CEP78: variants seen among roughly 807,000 people sequenced by gnomAD.
CEP78 encodes centrosomal protein of 78 kDa.
In CEP78, 76 loss-of-function variants were observed where a neutral mutation model predicts 81.2. The ratio of observed to expected loss-of-function variants is 0.94; its 90% CI spans 0.78 to 1.13. The LOEUF (loss-of-function observed/expected upper bound fraction) is 1.13, where lower values mean the gene tolerates loss of function less well. Ranked by LOEUF, CEP78 falls within the 50% of genes most tolerant of loss-of-function variation. The probability of loss-of-function intolerance (pLI) is 0.00; values close to 1 mark genes in which losing one functional copy is unlikely to be tolerated. For synonymous variants in CEP78, 293 were observed against 301.4 expected (o/e 0.97, Z 0.29); for missense variants, 918 against 846.8 (o/e 1.08, Z -1.04).
rs575599242 is a variant in CEP78, at chr9:78,270,225, A to T, written c.2108-616A>T. Among the ~76,000 whole-genome samples the T allele has an allele frequency of 2.6e-5, 4 of 151,466 alleles. No individual in the cohort carries two copies. In the South Asian group the frequency reaches 8.4e-4, roughly 32 times the overall value. ...CAGTTTTCTTTAACCATGGATTTTT[A>T]CAAGACCTACACACAATCACATAAT... On this transcript the variant is annotated intron_variant, in intron 16 of 16. Transcript: ENST00000643273.
chr9:78,247,764 G>A (rs995638588), intron 6 of CEP78, among the ~76,000 whole-genome samples: 3 of 152,172 alleles, frequency 2.0e-5, no homozygotes, highest in East Asian at 3.8e-4. Flanking sequence ...TAGGGTGGAA[G>A]GTTGGAGGTG....
At chr9:78,241,417 G>T (rs944880493) in intron 3 of CEP78, among the ~76,000 whole-genome samples, 2 of 152,106 alleles carry the variant, frequency 1.3e-5, no homozygotes, top group Non-Finnish European at 2.9e-5. Context: ...GTCTCAAAAA[G>T]TATATAGAAC....
chr9:78,247,674 T>C (rs1286828348), intron 6 of CEP78, among the ~76,000 whole-genome samples: 2 of 152,106 alleles, frequency 1.3e-5, no homozygotes, highest in Non-Finnish European at 2.9e-5. Flanking sequence ...AATACACTTG[T>C]AGGGGGCTAT....
intron 16 of CEP78, among the ~76,000 whole-genome samples, chr9:78,270,215 A>G (rs1399614516): frequency 6.6e-6 from 1 of 152,036 alleles, no homozygotes; most frequent in Non-Finnish European, 1.5e-5. Context: ...TTCTTTAACC[A>G]TGGATTTTTA....
rs150334181 is a variant in CEP78, at chr9:78,271,151, C to T, written c.*300C>T. 2.3e-5 allele frequency: 6 copies of T among 262,564 alleles called. No homozygotes were observed. In the Admixed American group the frequency reaches 2.7e-4, roughly 12 times the overall value. 16.3% of individuals were successfully genotyped at this position (262,564 alleles called of 1,614,324 possible). Reference sequence around the variant, plus strand: ...AAGTTAAGCTGCCCACATGATCTCTCTAACTATGATGACCTGCCACTTCCG... The same window carrying T: ...AAGTTAAGCTGCCCACATGATCTCTTTAACTATGATGACCTGCCACTTCCG... On this transcript the variant is annotated 3_prime_UTR_variant, in exon 17 of 17. Transcript: ENST00000643273.
intron 8 of CEP78, 48 bp from the exon 9 acceptor site, chr9:78,251,860 A>G (rs776337212): frequency 4.5e-6 from 7 of 1,546,926 alleles, no homozygotes; most frequent in South Asian, 1.2e-5. Context: ...ATTCATCTGT[A>G]GACCTTTAGT....
intron 1 of CEP78, among the ~76,000 whole-genome samples, chr9:78,237,741 A>G (rs947980594): frequency 3.3e-5 from 5 of 152,162 alleles, no homozygotes; most frequent in Admixed American, 2.6e-4. Flanking sequence ...TCTAGCCTCC[A>G]TATGGAAGAC....
chr9:78,246,706 A>C lies in CEP78; in HGVS notation c.816A>C (p.Gly272=). 1 of 1,611,298 alleles carries C rather than the reference A, an allele frequency of 6.2e-7. No homozygotes were observed. Among genetic ancestry groups the C allele is most frequent in the Non-Finnish European group, 8.5e-7 (1 of 1,178,856 alleles). The part of the protein sequence containing the change: ...DLQQCGLTNE[G]AKALLEALET... ...AACAGTGCGGCCTCACCAATGAAGG[A>C]GCAAAGGCTTTGCTAGAGGCCCTTG... The change falls in exon 6 of 17, where the codon GGA becomes GGC. Residue 272 remains glycine (G), a synonymous_variant. Coordinates refer to ENST00000643273, the MANE Select transcript of CEP78 (RefSeq NM_001330691.3).
chr9:78,243,792 A>T (rs1036879744), intron 5 of CEP78, among the ~76,000 whole-genome samples, 156 bp downstream of exon 5: 3 of 150,122 alleles, frequency 2.0e-5, no homozygotes, highest in South Asian at 2.1e-4. Flanking sequence ...AAAGTTATAT[A>T]TATTCTTTAT....
intron 4 of CEP78, among the ~76,000 whole-genome samples, chr9:78,242,181 TGTGGACCAAATCTA>T (rs1826267238): frequency 1.2e-5 from 1 of 84,778 alleles, no homozygotes; most frequent in African/African-American, 4.7e-5. Flanking sequence ...AACTATGGCC[TGTGGACCAAATCTA>T]GCCTATCACC....
Position 78,266,592 on chromosome 9 carries a change from G to C in CEP78, c.1996G>C (p.Ala666Pro). ...GCAGGAGTCTTTTGAAGGATTCATTGCTAGAATGTGTTCTCCTTCACCAGA... is the reference window on the plus strand; with the variant it reads ...GCAGGAGTCTTTTGAAGGATTCATTCCTAGAATGTGTTCTCCTTCACCAGA... ...QRQESFEGFI[A>P]RMCSPSPDAT... The change falls in exon 16 of 17, where the codon GCT becomes CCT. Residue 666 changes from alanine (A) to proline (P), a missense_variant. Ala to Pro is a conservative substitution (Grantham distance 27). Coordinates refer to ENST00000643273, the MANE Select transcript of CEP78 (RefSeq NM_001330691.3). 1 of 1,613,660 alleles carries C rather than the reference G, an allele frequency of 6.2e-7. No homozygotes were observed. Among genetic ancestry groups the C allele is most frequent in the Non-Finnish European group, 8.5e-7 (1 of 1,179,762 alleles).
chr9:78,250,246 TA>T (rs1237621035), intron 8 of CEP78: 229 of 398,100 alleles, frequency 5.8e-4, no homozygotes, highest in Non-Finnish European at 3.1e-5. Flanking sequence ...TTTGCCTCAG[TA>T]ATTTGGAGAC....
intron 1 of CEP78, 65 bp from the exon 2 acceptor site, chr9:78,239,958 G>A: frequency 7.5e-7 from 1 of 1,326,500 alleles, no homozygotes; most frequent in Middle Eastern, 2.4e-4. Context: ...TTAGCACAGA[G>A]CAGATGTTTT....
In CEP78 at chr9:78,265,976, A is replaced by ATC. The variant is rs147226563; in HGVS notation, c.1845+71_1845+72dup. On this transcript the variant is annotated intron_variant, in intron 15 of 16. Transcript: ENST00000643273. ...ATATAACAGGCAGTATATTATAGGC[A>ATC]TCATCTAGTTATGGGAATGGGAGGG... The ATC allele has an allele frequency of 6.5e-3, 5,000 of 770,622 alleles. 176 individuals are homozygous for ATC. In the African/African-American group the frequency reaches 0.073, roughly 11 times the overall value. The allele number at this position is 770,622 out of a possible 1,614,324, so 47.7% of individuals were successfully genotyped here. A position where few individuals can be genotyped will look rare whatever the true frequency, so the allele number is the denominator to read the frequency against.
chr9:78,256,111 G>A (rs1229602116), intron 11 of CEP78, among the ~76,000 whole-genome samples: 4 of 152,210 alleles, frequency 2.6e-5, no homozygotes, highest in Non-Finnish European at 2.9e-5. Context: ...AAATAGAGAT[G>A]ACAGATGGAA....
intron 6 of CEP78, among the ~76,000 whole-genome samples, chr9:78,247,601 G>A (rs1396129934): frequency 6.6e-6 from 1 of 152,140 alleles, no homozygotes; most frequent in African/African-American, 2.4e-5. Flanking sequence ...AACCATGGGA[G>A]GATTTTGAGC....
intron 11 of CEP78, among the ~76,000 whole-genome samples, chr9:78,260,548 A>G (rs1301558542): frequency 6.6e-6 from 1 of 152,046 alleles, no homozygotes; most frequent in Non-Finnish European, 1.5e-5. Context: ...TCTACTAAAA[A>G]TACAAAAAAT....
In CEP78 at chr9:78,266,680, C is replaced by T. The variant is rs1827554995; in HGVS notation, c.2084C>T (p.Ser695Phe). The change falls in exon 16 of 17, where the codon TCT becomes TTT. Residue 695 changes from serine to phenylalanine, a missense_variant. Physicochemically the swap from Ser to Phe is radical, Grantham distance 155. Transcript: ENST00000643273. Reference protein sequence around the residue: ...EEELSRNSRSSSEKKTKTESH With the variant: ...EEELSRNSRSFSEKKTKTESH ...GAGTTGTCCAGAAATAGCAGATCTT[C>T]TTCAGAGAAAAAGACCAAAACAGGT... 1 of 1,612,078 alleles carries T rather than the reference C, an allele frequency of 6.2e-7. No homozygotes were observed. The highest frequency in any genetic ancestry group is 8.5e-7 in the Non-Finnish European group (1 of 1,179,000).
intron 5 of CEP78, among the ~76,000 whole-genome samples, chr9:78,246,366 G>A (rs1479658083): frequency 1.3e-5 from 2 of 152,148 alleles, no homozygotes; most frequent in African/African-American, 4.8e-5. Context: ...TTGGGAGGCC[G>A]AGGTGGGCAG....
Sources: allele counts gnomAD v4.1 joint callset (sites outside exome capture counted in the v4.1 genomes callset), GRCh38; gene constraint gnomAD v4.1.1; transcripts MANE v1.5; gene names NCBI Gene and HGNC (gene_info 2026-07-23, HGNC 2026-07-21).